PCDHGB4: variants seen among roughly 807,000 people sequenced by gnomAD.
PCDHGB4 encodes the protein protocadherin gamma subfamily B, 4, also known as protocadherin gamma-B4.
In PCDHGB4, 38 loss-of-function variants were observed where a neutral mutation model predicts 60.5. The observed-to-expected ratio is 0.63, with a 90% CI of 0.48 to 0.82. The LOEUF is 0.82. Among genes scored for constraint, PCDHGB4 ranks in the 40% least tolerant of loss-of-function variants. The pLI is 0.00. For missense variants in PCDHGB4, 1,109 were observed against 1,209.6 expected, an observed-to-expected ratio of 0.92 and a Z score of 1.23; for synonymous variants, 456 against 509.7, an observed-to-expected ratio of 0.89 and a Z score of 1.42.
chr5:141,446,928 C>T (rs988582410), intron 1 of PCDHGB4, among the ~76,000 whole-genome samples: 14 of 152,132 alleles, frequency 9.2e-5, no homozygotes, highest in Non-Finnish European at 1.6e-4. Context: ...TTCCTGATCT[C>T]TTTTTCACTG....
Position 141,389,822 on chromosome 5 carries a change from C to A in PCDHGB4, c.1938C>A (p.Asp646Glu). 1.9e-6 allele frequency: 3 copies of A among 1,613,932 alleles called. No individual in the cohort carries two copies. Among genetic ancestry groups the A allele is most frequent in the Middle Eastern group, 1.6e-4 (1 of 6,062 alleles). ...VRQRLLVAVR[D>E]GGQPPLSATA... ...AGCGCCTTCTGGTCGCCGTGCGTGA[C>A]GGTGGACAGCCACCACTCTCGGCCA... Residue 646 changes from aspartate (D) to glutamate (E), a missense_variant, in exon 1 of 4, where the codon GAC (aspartate) becomes GAA (glutamate). Coordinates refer to ENST00000519479, the MANE Select transcript of PCDHGB4 (RefSeq NM_003736.4).
intron 1 of PCDHGB4, among the ~76,000 whole-genome samples, chr5:141,430,243 T>C (rs1020416761): frequency 5.6e-5 from 6 of 106,478 alleles, no homozygotes; most frequent in African/African-American, 3.0e-4. Flanking sequence ...GAGAAACTCC[T>C]AGGGAGACAT....
At chr5:141,478,425 A>G (rs1454100826) in intron 1 of PCDHGB4, 1 of 1,613,542 alleles carries the variant, frequency 6.2e-7, no homozygotes, top group African/African-American at 1.3e-5. Context: ...CGCCGCAGCG[A>G]CCCGCTGCTG....
intron 1 of PCDHGB4, chr5:141,405,172 T>G: frequency 1.2e-6 from 2 of 1,614,092 alleles, no homozygotes; most frequent in African/African-American, 2.7e-5. Flanking sequence ...CCTCACACTT[T>G]GTGGGTGTAG....
rs765353257 is a variant in PCDHGB4 at position 141,431,824 on chromosome 5, G to A, written c.2397+41543G>A. On this transcript the variant is annotated intron_variant, in intron 1 of 3. Coordinates refer to ENST00000519479, the MANE Select transcript of PCDHGB4 (RefSeq NM_003736.4). The surrounding 1 kb of genome is among the most constrained non-coding windows in gnomAD (Gnocchi z 4.8). ...TGGTCCTCACCTCTCTCGCCAGCTC[G>A]GTTCCCGAAAACTCTCCCAGAGGGA... is the stretch of plus-strand genomic sequence containing the variant. The A allele has an allele frequency of 1.3e-5, 21 of 1,614,092 alleles. No homozygotes were observed. In the South Asian group the frequency reaches 2.1e-4, roughly 16 times the overall value.
chr5:141,437,307 G>A (rs1172152732), intron 1 of PCDHGB4, among the ~76,000 whole-genome samples: 7 of 152,120 alleles, frequency 4.6e-5, no homozygotes, highest in South Asian at 2.1e-4. Context: ...AAGTTAAAGC[G>A]TTCAGCTATA....
Position 141,389,423 on chromosome 5 carries a change from C to A in PCDHGB4, c.1539C>A (p.Phe513Leu), listed in dbSNP as rs779826135. 3 of 1,613,398 alleles carry A rather than the reference C, an allele frequency of 1.9e-6. No homozygotes were observed. The highest frequency in any genetic ancestry group is 8.5e-7 in the Non-Finnish European group (1 of 1,179,910). ...TAAGCGCGGAGAGCGGGGTGGTGTT[C>A]GCGCAGCGCGCCTTCGACCACGAGC... ...VSISAESGVV[F>L]AQRAFDHEQL... The change falls in exon 1 of 4, where the codon TTC becomes TTA. Residue 513 changes from phenylalanine (F) to leucine (L), a missense_variant. By Grantham distance (22) the Phe-to-Leu change is conservative (BLOSUM62 0). Coordinates refer to ENST00000519479, the MANE Select transcript of PCDHGB4 (RefSeq NM_003736.4).
intron 1 of PCDHGB4, chr5:141,416,744 A>G (rs1480936949): frequency 2.0e-5 from 3 of 152,210 alleles, no homozygotes; most frequent in Non-Finnish European, 4.4e-5. Context: ...GAAAATAGTG[A>G]CGTATTAGGT....
intron 2 of PCDHGB4, among the ~76,000 whole-genome samples, chr5:141,502,250 T>A (rs915754322): frequency 2.6e-5 from 4 of 152,242 alleles, no homozygotes; most frequent in East Asian, 3.8e-4. Context: ...TCCTTTTTTT[T>A]AATCCAGGAT....
At chr5:141,429,169 T>TACACACACACACACACAC (rs10667977) in intron 1 of PCDHGB4, 2 of 145,394 alleles carry the variant, frequency 1.4e-5, no homozygotes, top group African/African-American at 5.1e-5. Flanking sequence ...ACATTGTTTA[T>TACACACACACACACACAC]ACACACACAC....
chr5:141,485,609 G>T lies in PCDHGB4; in HGVS notation c.2398-9198G>T. On this transcript the variant is annotated intron_variant, in intron 1 of 3. Coordinates refer to ENST00000519479, the MANE Select transcript of PCDHGB4 (RefSeq NM_003736.4). The surrounding 1 kb of genome is among the most constrained non-coding windows in gnomAD (Gnocchi z 5.7). ...GCTGGACTTGGAAATTGGGGAGGCA[G>T]CTCCTCCAGGACAGCGTTTCCCGTT... The T allele has an allele frequency of 6.2e-7, 1 of 1,612,256 alleles. No homozygotes were observed. Among genetic ancestry groups the T allele is most frequent in the Non-Finnish European group, 8.5e-7 (1 of 1,178,656 alleles).
At chr5:141,421,080 C>CA (rs2096545590) in intron 1 of PCDHGB4, 1 of 638,250 alleles carries the variant, frequency 1.6e-6, no homozygotes, top group East Asian at 2.9e-5. Context: ...GATGGATACT[C>CA]ACAGATCCTG....
intron 1 of PCDHGB4, among the ~76,000 whole-genome samples, chr5:141,455,902 TA>T (rs2098836291): frequency 6.7e-6 from 1 of 149,860 alleles, no homozygotes. Context: ...TTTATTTATT[TA>T]TTTATTTATT....
chr5:141,414,457 G>A (rs1319960665), intron 1 of PCDHGB4: 7 of 1,613,872 alleles, frequency 4.3e-6, no homozygotes, highest in Non-Finnish European at 5.9e-6. Flanking sequence ...CACAGTGACA[G>A]CCACAGATGG....
intron 1 of PCDHGB4, among the ~76,000 whole-genome samples, chr5:141,407,336 G>A (rs1005803062): frequency 6.6e-6 from 1 of 152,240 alleles, no homozygotes; most frequent in Admixed American, 6.5e-5. Flanking sequence ...ATATTGAAAT[G>A]TATGTTAATT....
At chr5:141,403,236 T>G in intron 1 of PCDHGB4, 1 of 1,613,908 alleles carries the variant, frequency 6.2e-7, no homozygotes, top group South Asian at 1.1e-5. Flanking sequence ...CGGGAGGAGC[T>G]CTGTGCTCAG....
intron 1 of PCDHGB4, chr5:141,423,653 G>A: frequency 6.3e-7 from 1 of 1,578,174 alleles, no homozygotes. Context: ...GACCCGACAA[G>A]TAATCAGGTG....
chr5:141,427,530 T>C (rs1302316196), intron 1 of PCDHGB4: 3 of 619,732 alleles, frequency 4.8e-6, no homozygotes, highest in Non-Finnish European at 9.0e-6. Context: ...GATCCCGGAG[T>C]ACAACGTCAC....
chr5:141,501,701 G>A (rs747266621), intron 2 of PCDHGB4, among the ~76,000 whole-genome samples: 3 of 151,984 alleles, frequency 2.0e-5, no homozygotes, highest in East Asian at 1.9e-4. Flanking sequence ...GGGTGATTCC[G>A]AGGATAAAAA....
Sources: gnomAD v4.1 joint callset for allele counts (sites outside exome capture counted in the v4.1 genomes callset) on GRCh38, gnomAD v4.1.1 for gene constraint, Gnocchi (gnomAD v3.1) non-coding constraint, MANE v1.5 for transcripts, NCBI Gene and HGNC (gene_info 2026-07-23, HGNC 2026-07-21) for gene names.